SNURF: variants seen among roughly 807,000 people sequenced by gnomAD.
SNURF encodes the protein SNURF protein.
A neutral mutation model predicts 11.6 loss-of-function variants in SNURF; 6 were observed. The observed-to-expected ratio is 0.52, with a 90% CI of 0.28 to 1.02. The LOEUF is 1.02. Ranked by LOEUF, SNURF falls within the 50% of genes least tolerant of loss-of-function variation. SNURF has a pLI of 0.09. For synonymous variants in SNURF, 29 were observed against 31.6 expected (o/e 0.92, Z 0.27); for missense variants, 84 against 88.4 (o/e 0.95, Z 0.20).
At chr15:24,977,937 A>G (rs767989315), downstream of SNURF, 4 of 1,537,066 alleles carry the variant, frequency 2.6e-6, no homozygotes, top group Non-Finnish European at 3.5e-6. Flanking sequence ...GGTGAACACG[A>G]AGACGAACTT....
At chr15:24,971,964 G>A (rs1210191001), downstream of SNURF, among the ~76,000 whole-genome samples, 2 of 152,046 alleles carry the variant, frequency 1.3e-5, no homozygotes, top group African/African-American at 4.8e-5. Flanking sequence ...CTATAAAAAT[G>A]GATATTGCTG....
downstream of SNURF, among the ~76,000 whole-genome samples, chr15:24,971,727 C>T (rs1311583725): frequency 1.3e-5 from 2 of 152,026 alleles, no homozygotes; most frequent in Non-Finnish European, 2.9e-5. Flanking sequence ...CAACCTCTGG[C>T]ATAAATGGGT....
intron 5 of SNURF, among the ~76,000 whole-genome samples, chr15:24,976,723 T>C (rs1354415763): frequency 6.6e-6 from 1 of 152,254 alleles, no homozygotes; most frequent in East Asian, 1.9e-4. Flanking sequence ...ACAAGATACC[T>C]CCATGGTATA....
chr15:24,964,317 AT>A (rs1278685811), intron 2 of SNURF, among the ~76,000 whole-genome samples: 3 of 151,772 alleles, frequency 2.0e-5, no homozygotes, highest in Non-Finnish European at 4.4e-5. Context: ...CTCTTTTTTC[AT>A]CTCTTCATTC....
chr15:24,968,203 A>G, exon 3 of SNURF: 4 of 651,856 alleles, frequency 6.1e-6, no homozygotes, highest in Non-Finnish European at 8.0e-6. Flanking sequence ...CAATAAACAC[A>G]TTGCAGAAAG....
exon 6 of SNURF, chr15:24,976,971 C>T (rs565012889): frequency 6.2e-7 from 1 of 1,604,868 alleles, no homozygotes; most frequent in African/African-American, 1.3e-5. Flanking sequence ...GTGCCAATTC[C>T]CCAGGCCCCT....
downstream of SNURF, among the ~76,000 whole-genome samples, chr15:24,973,582 C>T (rs2076713901): frequency 6.6e-6 from 1 of 151,474 alleles, no homozygotes; most frequent in Non-Finnish European, 1.5e-5. Context: ...GTATTTCTAG[C>T]AGAGACGGGA....
intron 1 of SNURF, 28 bp downstream of exon 1, chr15:24,955,090 G>A: frequency 6.2e-7 from 1 of 1,613,602 alleles, no homozygotes; most frequent in Non-Finnish European, 8.5e-7. Flanking sequence ...CTTCTCTCAA[G>A]AGACAGCCTG....
At chr15:24,968,186 C>G in exon 3 of SNURF, 2 of 730,872 alleles carry the variant, frequency 2.7e-6, no homozygotes, top group Non-Finnish European at 4.7e-6. Flanking sequence ...TTCCTTAGAG[C>G]TTCATACAAT....
intron 2 of SNURF, among the ~76,000 whole-genome samples, chr15:24,964,263 T>C (rs919186626): frequency 6.6e-6 from 1 of 152,212 alleles, no homozygotes; most frequent in Non-Finnish European, 1.5e-5. Context: ...TTGTCCTTTA[T>C]ATATAATAGG....
intron 2 of SNURF, among the ~76,000 whole-genome samples, chr15:24,964,296 T>A (rs536635024): frequency 3.3e-4 from 50 of 152,270 alleles, no homozygotes; most frequent in Non-Finnish European, 6.2e-4. Flanking sequence ...TCATTTTATT[T>A]GATATGAAAT....
chr15:24,974,475 C>T, intron 3 of SNURF: 1 of 1,612,906 alleles, frequency 6.2e-7, no homozygotes, highest in East Asian at 2.2e-5. Flanking sequence ...TATGATAAGG[C>T]TGAGGGTTGA....
chr15:24,964,100 T>C (rs1019437476), intron 2 of SNURF, among the ~76,000 whole-genome samples: 2 of 152,060 alleles, frequency 1.3e-5, no homozygotes, highest in Non-Finnish European at 2.9e-5. Context: ...AAAGATTTTT[T>C]TTTTATTTTT....
At chr15:24,977,774 T>C in intron 6 of SNURF, 1 of 1,590,370 alleles carries the variant, frequency 6.3e-7, no homozygotes, top group African/African-American at 1.4e-5. Flanking sequence ...CCCTGCCTTC[T>C]CAGGTAATGA....
intron 2 of SNURF, among the ~76,000 whole-genome samples, chr15:24,966,210 A>G (rs2075606707): frequency 6.6e-6 from 1 of 152,086 alleles, no homozygotes; most frequent in South Asian, 2.1e-4. Flanking sequence ...AGGTCCTACT[A>G]TTTTCTCAGA....
At chr15:24,966,263 A>G (rs2075615014) in intron 2 of SNURF, among the ~76,000 whole-genome samples, 1 of 150,822 alleles carries the variant, frequency 6.6e-6, no homozygotes, top group Non-Finnish European at 1.5e-5. Context: ...AGTAGATCTC[A>G]AGAAAGTGCT....
intron 2 of SNURF, among the ~76,000 whole-genome samples, chr15:24,965,861 CATT>C (rs1218937117): frequency 6.7e-6 from 1 of 148,794 alleles, no homozygotes; most frequent in Non-Finnish European, 1.5e-5. Flanking sequence ...TTCAAGATAA[CATT>C]ATATATATTT....
intron 1 of SNURF, among the ~76,000 whole-genome samples, chr15:24,956,637 T>C (rs1309841262): frequency 6.6e-6 from 1 of 152,154 alleles, no homozygotes; most frequent in South Asian, 2.1e-4. Context: ...CTGGAAGGAA[T>C]GGCAGCCCTC....
At chr15:24,959,771 G>A (rs1289056233) in intron 1 of SNURF, among the ~76,000 whole-genome samples, 1 of 152,082 alleles carries the variant, frequency 6.6e-6, no homozygotes. Flanking sequence ...TTCTTCATTC[G>A]TAAGTTGATG....
Sources: gnomAD v4.1 joint callset for allele counts (sites outside exome capture counted in the v4.1 genomes callset) on GRCh38, gnomAD v4.1.1 for gene constraint, MANE v1.5 for transcripts, NCBI Gene and HGNC (gene_info 2026-07-23, HGNC 2026-07-21) for gene names.